MICAL2: variants seen among roughly 807,000 people sequenced by gnomAD.
MICAL2 encodes [F-actin]-monooxygenase MICAL2.
In MICAL2, 77 loss-of-function variants were observed where a neutral mutation model predicts 127.3. The ratio of observed to expected loss-of-function variants is 0.60; its 90% CI spans 0.50 to 0.73. The LOEUF (loss-of-function observed/expected upper bound fraction) is 0.73, where lower values mean the gene tolerates loss of function less well. Ranked by LOEUF, MICAL2 falls within the 30% of genes least tolerant of loss-of-function variation. The pLI is 0.00. For synonymous variants in MICAL2, 570 were observed against 551.1 expected (o/e 1.03, Z -0.48); for missense variants, 1,351 against 1,434.4 (o/e 0.94, Z 0.94).
chr11:12,324,018 C>G, exon 31 of MICAL2: 1 of 1,611,256 alleles, frequency 6.2e-7, no homozygotes, highest in Non-Finnish European at 8.5e-7. Context: ...CTAGAAAAAG[C>G]AATGAAGCAG....
At position 12,226,387 on chromosome 11, in the gene MICAL2, A is replaced by G. The variant is rs1244610130; in HGVS notation, c.1888+17A>G. 1 of 1,612,606 alleles carries G rather than the reference A, an allele frequency of 6.2e-7. No individual in the cohort carries two copies. Among genetic ancestry groups the G allele is most frequent in the Non-Finnish European group, 8.5e-7 (1 of 1,179,310 alleles). ...GGCCCGTGGGTAAGCACCTGCACAG[A>G]GGTTTTGCTTAGCCCCTTGAGCCAA... On this transcript the variant is annotated intron_variant, in intron 14 of 27. Coordinates refer to ENST00000683283, the MANE Select transcript of MICAL2 (RefSeq NM_001282663.2).
intron 3 of MICAL2, among the ~76,000 whole-genome samples, chr11:12,179,331 T>C (rs1857177768): frequency 6.6e-6 from 1 of 152,054 alleles, no homozygotes; most frequent in Non-Finnish European, 1.5e-5. Flanking sequence ...TCCTTGGAGA[T>C]CCTCCACCTT....
At chr11:12,318,691 G>A (rs765686558) in intron 29 of MICAL2, among the ~76,000 whole-genome samples, 1 of 152,166 alleles carries the variant, frequency 6.6e-6, no homozygotes, top group Non-Finnish European at 1.5e-5. Flanking sequence ...GTCCTAGCTG[G>A]TCCTGATATT....
chr11:12,269,374 G>T (rs1364272784), intron 24 of MICAL2, among the ~76,000 whole-genome samples: 1 of 152,248 alleles, frequency 6.6e-6, no homozygotes. Flanking sequence ...TGCCTGTAGT[G>T]TCAGAAGAAG....
chr11:12,303,767 A>G lies in MICAL2; in HGVS notation c.5212+8910A>G, dbSNP rs1416262163. On this transcript the variant is annotated intron_variant, in intron 29 of 34. Transcript: ENST00000646065. ...TTTGTAATCTGTATAGATTCTGGATATAAGTCCTTTGTTAGATATAAGAAC... is the reference window on the plus strand; with the variant it reads ...TTTGTAATCTGTATAGATTCTGGATGTAAGTCCTTTGTTAGATATAAGAAC... 3.3e-5 allele frequency: 5 copies of G among 152,216 alleles called. No individual in the cohort carries two copies. In the South Asian group the frequency reaches 8.3e-4, roughly 25 times the overall value. 9.4% of individuals were successfully genotyped at this position (152,216 alleles called of 1,614,324 possible). A position where few individuals can be genotyped will look rare whatever the true frequency, so the allele number is the denominator to read the frequency against.
chr11:12,196,727 A>G (rs1448860279), intron 3 of MICAL2, among the ~76,000 whole-genome samples: 1 of 152,106 alleles, frequency 6.6e-6, no homozygotes, highest in Non-Finnish European at 1.5e-5. Flanking sequence ...AGCTCATAAA[A>G]TCCAAAGGGG....
intron 1 of MICAL2, among the ~76,000 whole-genome samples, chr11:12,278,658 G>C (rs1182045072): frequency 6.6e-6 from 1 of 152,216 alleles, no homozygotes. Context: ...GAGGATAAAG[G>C]CAGGAAGAGC....
chr11:12,248,486 G>C (rs534901827), intron 21 of MICAL2, among the ~76,000 whole-genome samples: 1 of 152,340 alleles, frequency 6.6e-6, no homozygotes, highest in South Asian at 2.1e-4. Flanking sequence ...TGTTTGCCAT[G>C]CCGTTGAGCT....
intron 3 of MICAL2, among the ~76,000 whole-genome samples, chr11:12,202,950 A>G (rs924353869): frequency 6.6e-6 from 1 of 152,008 alleles, no homozygotes; most frequent in African/African-American, 2.4e-5. Flanking sequence ...TCCCTCCCCC[A>G]TTTCCTGGCA....
At chr11:12,244,286 G>A (rs544972377) in intron 21 of MICAL2, among the ~76,000 whole-genome samples, 174 bp downstream of exon 21, 33 of 152,296 alleles carry the variant, frequency 2.2e-4, no homozygotes, top group African/African-American at 5.1e-4. Context: ...CACACAACAC[G>A]GCAGAACAGG....
At chr11:12,294,541 C>T (rs759777504), downstream of MICAL2, 1 of 1,614,018 alleles carries the variant, frequency 6.2e-7, no homozygotes, top group Non-Finnish European at 8.5e-7. Flanking sequence ...TTGAAGATGT[C>T]CCCACACTCC....
chr11:12,155,476 G>A (rs182633324), intron 2 of MICAL2, among the ~76,000 whole-genome samples: 1 of 151,830 alleles, frequency 6.6e-6, no homozygotes, highest in Admixed American at 6.5e-5. Flanking sequence ...ATGTACACAT[G>A]TATACCCCTG....
intron 32 of MICAL2, among the ~76,000 whole-genome samples, chr11:12,344,689 C>T (rs1938925141): frequency 1.3e-5 from 2 of 149,804 alleles, no homozygotes; most frequent in South Asian, 2.1e-4. Context: ...TCAGTAGAGA[C>T]GGGGTTTCAC....
In MICAL2 at chr11:12,253,848, C is replaced by G. The variant is rs1861923179; in HGVS notation, c.2848-1795C>G. ...CAGAAGCTCCAAACCCTAACCTTTT[C>G]GGTTTCTATGGAGGCTTCGTTATGA... On this transcript the variant is annotated intron_variant, in intron 22 of 27. Coordinates refer to ENST00000683283, the MANE Select transcript of MICAL2 (RefSeq NM_001282663.2). 2.0e-5 allele frequency: 3 copies of G among 152,178 alleles called. No homozygotes were observed. The South Asian group carries it at 6.2e-4, about 31-fold the overall frequency. The allele number at this position is 152,178 out of a possible 1,614,324, so 9.4% of individuals were successfully genotyped here.
chr11:12,291,135 C>T (rs1221551541), downstream of MICAL2, among the ~76,000 whole-genome samples: 1 of 152,102 alleles, frequency 6.6e-6, no homozygotes, highest in Non-Finnish European at 1.5e-5. Flanking sequence ...TGGGGGACAT[C>T]CCTACGTGCC....
chr11:12,147,220 A>G (rs1853028121), intron 2 of MICAL2, among the ~76,000 whole-genome samples: 1 of 151,998 alleles, frequency 6.6e-6, no homozygotes, highest in African/African-American at 2.4e-5. Flanking sequence ...AATAATAAAA[A>G]AAAGAAAGCA....
At chr11:12,151,655 C>T (rs911145816) in intron 2 of MICAL2, among the ~76,000 whole-genome samples, 7 of 152,234 alleles carry the variant, frequency 4.6e-5, no homozygotes, top group Admixed American at 1.3e-4. Context: ...AACTTCAACA[C>T]ACAGTTTCCA....
At chr11:12,112,223 G>C (rs1232085405) in intron 1 of MICAL2, among the ~76,000 whole-genome samples, 2 of 152,178 alleles carry the variant, frequency 1.3e-5, no homozygotes, top group East Asian at 1.9e-4. Context: ...GCCCCACAGC[G>C]TGCTGACTAG....
At chr11:12,261,287 T>G (rs1353908149) in intron 26 of MICAL2, 1 of 985,404 alleles carries the variant, frequency 1.0e-6, no homozygotes, top group Non-Finnish European at 1.2e-6. Context: ...GGGAAAGGAA[T>G]GGGTCTGACC....
Sources: allele counts gnomAD v4.1 joint callset (sites outside exome capture counted in the v4.1 genomes callset), GRCh38; gene constraint gnomAD v4.1.1; transcripts MANE v1.5; gene names NCBI Gene and HGNC (gene_info 2026-07-23, HGNC 2026-07-21).